The following KIAA1217 variants were observed in gnomAD, a reference collection of about 807,000 sequenced individuals.
KIAA1217 encodes the protein KIAA1217.
A neutral mutation model predicts 163.9 loss-of-function variants in KIAA1217; 88 were observed. That is an observed-to-expected ratio of 0.54 (90% CI 0.45 to 0.64). The LOEUF (loss-of-function observed/expected upper bound fraction) is 0.64. Among genes scored for constraint, KIAA1217 ranks in the 30% least tolerant of loss-of-function variants. The probability of loss-of-function intolerance (pLI) is 0.00; values close to 1 mark genes in which losing one functional copy is unlikely to be tolerated. For synonymous variants in KIAA1217, 903 were observed against 923.1 expected (o/e 0.98, Z 0.39); for missense variants, 2,372 against 2,475.0 (o/e 0.96, Z 0.88).
chr10:24,130,236 T>C (rs1406337934), intron 2 of KIAA1217, among the ~76,000 whole-genome samples: 1 of 152,188 alleles, frequency 6.6e-6, no homozygotes, highest in African/African-American at 2.4e-5. Flanking sequence ...GGCGCAATCA[T>C]AGTTCACTGC....
intron 6 of KIAA1217, among the ~76,000 whole-genome samples, chr10:24,485,549 G>A (rs10828656): frequency 0.2 from 30,069 of 151,994 alleles, 3,198 homozygotes; most frequent in South Asian, 0.37. Context: ...ACACTCCCCC[G>A]CAGTCTCCCG....
intron 2 of KIAA1217, among the ~76,000 whole-genome samples, chr10:24,248,928 G>T (rs965565526): frequency 1.4e-4 from 21 of 152,188 alleles, no homozygotes; most frequent in African/African-American, 5.1e-4. Flanking sequence ...CGAGAGGGAT[G>T]TCTTTTGAAA....
Position 24,384,613 on chromosome 10 carries a change from C to T in KIAA1217, c.553+3546C>T, listed in dbSNP as rs1000377104. Among the ~76,000 whole-genome samples the T allele has an allele frequency of 7.2e-5, 11 of 152,296 alleles. No homozygotes were observed. The East Asian group carries it at 9.6e-4, about 13-fold the overall frequency. ...GTGCAGTGGAACGATCTCGGCTCACCGCAATCTCTGTCTCCCGGGTTCACG... is the reference window on the plus strand; with the variant it reads ...GTGCAGTGGAACGATCTCGGCTCACTGCAATCTCTGTCTCCCGGGTTCACG... On this transcript the variant is annotated intron_variant, in intron 3 of 20. Coordinates refer to ENST00000376454, the MANE Select transcript of KIAA1217 (RefSeq NM_019590.5).
intron 3 of KIAA1217, among the ~76,000 whole-genome samples, chr10:24,386,924 G>A (rs922685398): frequency 3.3e-5 from 5 of 152,154 alleles, no homozygotes; most frequent in African/African-American, 1.2e-4. Flanking sequence ...GTATTGCTCT[G>A]TAGAGTAAGT....
At chr10:23,954,001 A>T (rs1208106091) in intron 1 of KIAA1217, among the ~76,000 whole-genome samples, 1 of 152,174 alleles carries the variant, frequency 6.6e-6, no homozygotes, top group Non-Finnish European at 1.5e-5. Flanking sequence ...TTGCTATGAA[A>T]CCAACAATCG....
intron 2 of KIAA1217, among the ~76,000 whole-genome samples, chr10:24,132,460 C>T (rs1346366743): frequency 6.6e-6 from 1 of 152,158 alleles, no homozygotes; most frequent in Non-Finnish European, 1.5e-5. Context: ...TATGAGAGAA[C>T]ATGCTCAATT....
intron 2 of KIAA1217, among the ~76,000 whole-genome samples, chr10:24,348,558 T>C (rs577704183): frequency 6.6e-6 from 1 of 152,302 alleles, no homozygotes; most frequent in African/African-American, 2.4e-5. Context: ...CTTTGTGATT[T>C]TGATAAAATT....
intron 2 of KIAA1217, among the ~76,000 whole-genome samples, chr10:24,250,709 A>T (rs76666476): frequency 2.3e-5 from 2 of 87,688 alleles, no homozygotes; most frequent in African/African-American, 9.3e-5. Context: ...CCTCGGCCTC[A>T]CAAAGTGCTG....
intron 1 of KIAA1217, among the ~76,000 whole-genome samples, chr10:23,784,313 C>T (rs746720041): frequency 6.6e-6 from 1 of 152,062 alleles, no homozygotes; most frequent in Non-Finnish European, 1.5e-5. Context: ...CCTTCACTTT[C>T]AACTTGTGTG....
chr10:23,816,790 T>G (rs143749474), intron 1 of KIAA1217, among the ~76,000 whole-genome samples: 38 of 152,286 alleles, frequency 2.5e-4, no homozygotes, highest in African/African-American at 9.1e-4. Context: ...TCTGCATTGT[T>G]TATCACTAAC....
At chr10:24,258,995 A>G (rs957946899) in intron 2 of KIAA1217, among the ~76,000 whole-genome samples, 1 of 152,152 alleles carries the variant, frequency 6.6e-6, no homozygotes, top group African/African-American at 2.4e-5. Context: ...CCCAGGGATC[A>G]GGGGCAGCCC....
rs1401918367 is a variant in KIAA1217 at position 24,090,337 on chromosome 10, T to TG, written c.-171+82963_-171+82964insG. Among the ~76,000 whole-genome samples the TG allele has an allele frequency of 9.4e-3, 1,121 of 118,806 alleles. 13 individuals are homozygous for TG. The highest frequency in any genetic ancestry group is 0.017 in the South Asian group (58 of 3,450). The allele number at this position is 118,806 out of a possible 152,430, so 77.9% of individuals were successfully genotyped here. ...ATGCACCCTCACATCCTGCTCTTTT[T>TG]TTTTTTTTTTTTTTTTTTTTTTTGA... is the stretch of plus-strand genomic sequence containing the variant. On this transcript the variant is annotated intron_variant, in intron 2 of 18. Transcript: ENST00000376462.
At chr10:24,496,239 T>C (rs886115192) in intron 8 of KIAA1217, among the ~76,000 whole-genome samples, 3 of 152,252 alleles carry the variant, frequency 2.0e-5, no homozygotes, top group Non-Finnish European at 4.4e-5. Flanking sequence ...ACAGGGCCAC[T>C]CTGCCATCAT....
chr10:23,894,263 C>CCTTCAGCTGATAAGCAA, intron 1 of KIAA1217, among the ~76,000 whole-genome samples: 2 of 151,978 alleles, frequency 1.3e-5, no homozygotes, highest in East Asian at 3.9e-4. Flanking sequence ...CCCAAAATCT[C>CCTTCAGCTGATAAGCAA]CTTCAGCTGA....
intron 3 of KIAA1217, among the ~76,000 whole-genome samples, chr10:24,420,611 T>C (rs1299042586): frequency 6.6e-6 from 1 of 152,232 alleles, no homozygotes; most frequent in Admixed American, 6.5e-5. Flanking sequence ...GACAACACCA[T>C]GTGGTGTTTT....
At chr10:24,463,258 T>C (rs1205700557) in intron 5 of KIAA1217, among the ~76,000 whole-genome samples, 2 of 152,204 alleles carry the variant, frequency 1.3e-5, no homozygotes, top group Non-Finnish European at 2.9e-5. Context: ...TGCTCCAGAT[T>C]GAGATCTTTA....
At chr10:24,441,829 C>T (rs890241783) in intron 5 of KIAA1217, among the ~76,000 whole-genome samples, 3 of 152,102 alleles carry the variant, frequency 2.0e-5, no homozygotes, top group African/African-American at 7.2e-5. Context: ...CACAAATGTA[C>T]AACTTGAAGA....
chr10:24,471,996 G>T lies in KIAA1217; in HGVS notation c.847-1232G>T, dbSNP rs113048073. ...ACACTTACAGATGACTTGAATGGTCGATTAACGCATAGCTTGAATGTTATA... is the reference window on the plus strand; with the variant it reads ...ACACTTACAGATGACTTGAATGGTCTATTAACGCATAGCTTGAATGTTATA... On this transcript the variant is annotated intron_variant, in intron 5 of 20. Transcript: ENST00000376454. 7.2e-3 allele frequency among the ~76,000 whole-genome samples: 1,091 copies of T among 151,920 alleles called. 10 individuals are homozygous for T. Among genetic ancestry groups the T allele is most frequent in the African/African-American group, 0.024 (1,011 of 41,420 alleles).
chr10:24,117,284 G>T (rs577923637), intron 2 of KIAA1217, among the ~76,000 whole-genome samples: 1 of 152,092 alleles, frequency 6.6e-6, no homozygotes, highest in Non-Finnish European at 1.5e-5. Context: ...TGATCCGCCC[G>T]CCTTGGCCTC....
Sources: gnomAD v4.1 joint callset for allele counts (sites outside exome capture counted in the v4.1 genomes callset) on GRCh38, gnomAD v4.1.1 for gene constraint, MANE v1.5 for transcripts, NCBI Gene and HGNC (gene_info 2026-07-23, HGNC 2026-07-21) for gene names.